The following SCAF4 variants were observed in gnomAD, a reference collection of about 807,000 sequenced individuals.
The protein encoded by SCAF4 is SR-related and CTD-associated factor 4.
SCAF4 carries 25 observed loss-of-function variants against 129.8 expected under a neutral mutation model. The observed-to-expected ratio is 0.19, with a 90% CI of 0.14 to 0.27. SCAF4 has a LOEUF of 0.27. Among genes scored for constraint, SCAF4 ranks in the 10% least tolerant of loss-of-function variants. The pLI, the probability that SCAF4 is intolerant of heterozygous loss-of-function variation, is 1.00. For synonymous variants in SCAF4, 551 were observed against 497.7 expected (o/e 1.11, Z -1.43); for missense variants, 1,246 against 1,457.1 (o/e 0.86, Z 2.36).
intron 1 of SCAF4, among the ~76,000 whole-genome samples, chr21:31,731,259 C>T (rs115435439): frequency 0.011 from 1,701 of 152,330 alleles, 31 homozygotes; most frequent in African/African-American, 0.038. Flanking sequence ...CCCAACCCCA[C>T]ACGCCCGCCC....
Position 31,672,053 on chromosome 21 carries a change from G to GCCTGGC in SCAF4, c.2784_2789dup (p.Pro931_Gly932dup), listed in dbSNP as rs750074679. On this transcript the variant is annotated inframe_insertion, in exon 20 of 20. Coordinates refer to ENST00000286835, the MANE Select transcript of SCAF4 (RefSeq NM_020706.2). The stretch of plus-strand genomic sequence containing the variant: ...CGTCTCTGTCTTCAGGACCCCCTGG[G>GCCTGGC]CCTGGCCCTGGGCCCCCGAGCCCTG... 1 of 1,613,246 alleles carries GCCTGGC rather than the reference G, an allele frequency of 6.2e-7. No homozygotes were observed. Among genetic ancestry groups the GCCTGGC allele is most frequent in the South Asian group, 1.1e-5 (1 of 91,052 alleles).
At chr21:31,690,420 GGT>G (rs2050232421) in intron 15 of SCAF4, among the ~76,000 whole-genome samples, 1 of 152,118 alleles carries the variant, frequency 6.6e-6, no homozygotes, top group Non-Finnish European at 1.5e-5. Flanking sequence ...GGGAGGCAGA[GGT>G]TGCAGTGACC....
intron 7 of SCAF4, among the ~76,000 whole-genome samples, chr21:31,697,096 T>C (rs192987193): frequency 6.6e-6 from 1 of 152,148 alleles, no homozygotes; most frequent in South Asian, 2.1e-4. Flanking sequence ...TTTGTGCACA[T>C]GAAAATGGGT....
intron 16 of SCAF4, among the ~76,000 whole-genome samples, chr21:31,686,913 C>T (rs2050139754): frequency 6.6e-6 from 1 of 152,200 alleles, no homozygotes; most frequent in Non-Finnish European, 1.5e-5. Context: ...AAACTGGTCC[C>T]TGGTGCCGGA....
chr21:31,717,914 C>T (rs34289854), intron 1 of SCAF4, among the ~76,000 whole-genome samples: 2,233 of 102,146 alleles, frequency 0.022, 41 homozygotes, highest in African/African-American at 0.042. Context: ...TACACACACA[C>T]ACACACACAC....
intron 19 of SCAF4, among the ~76,000 whole-genome samples, chr21:31,683,417 G>T (rs1012079292): frequency 3.3e-5 from 5 of 152,202 alleles, no homozygotes; most frequent in African/African-American, 1.2e-4. Context: ...AGAAATAACA[G>T]GCAGGGTCTT....
intron 19 of SCAF4, among the ~76,000 whole-genome samples, chr21:31,682,055 G>C (rs965236199): frequency 3.3e-5 from 5 of 152,048 alleles, no homozygotes; most frequent in African/African-American, 1.2e-4. Context: ...CCAACTGATG[G>C]AACTTTAATA....
chr21:31,712,497 C>T (rs1330757159), intron 1 of SCAF4, among the ~76,000 whole-genome samples: 1 of 149,140 alleles, frequency 6.7e-6, no homozygotes, highest in Non-Finnish European at 1.5e-5. Context: ...GCATTACAGG[C>T]GAGAGCCACC....
chr21:31,706,328 G>A lies in SCAF4; in HGVS notation c.60C>T (p.Pro20=). 1 of 1,610,420 alleles carries A rather than the reference G, an allele frequency of 6.2e-7. No homozygotes were observed. The highest frequency in any genetic ancestry group is 1.3e-5 in the African/African-American group (1 of 74,860). ...TGAGAATCATCTTGGCTCTAGAGAT[G>A]GGAGGTTTCATATCCATAAGCGAAA... ...ELFSLMDMKP[P]ISRAKMILIT... Residue 20 remains proline (P), a synonymous_variant, in exon 2 of 20, where the codon CCC becomes CCT. Transcript: ENST00000286835.
chr21:31,687,231 T>C (rs1007562734), intron 16 of SCAF4, among the ~76,000 whole-genome samples: 1 of 152,208 alleles, frequency 6.6e-6, no homozygotes, highest in Non-Finnish European at 1.5e-5. Flanking sequence ...CATAGAACTA[T>C]GGGTCAAGTT....
chr21:31,716,271 C>T (rs1163730839), intron 1 of SCAF4, among the ~76,000 whole-genome samples: 1 of 151,930 alleles, frequency 6.6e-6, no homozygotes, highest in Non-Finnish European at 1.5e-5. Flanking sequence ...TCCAGTATTC[C>T]TTCCTTTGGT....
At chr21:31,673,513 T>G (rs1242805780) in intron 19 of SCAF4, among the ~76,000 whole-genome samples, 1 of 152,130 alleles carries the variant, frequency 6.6e-6, no homozygotes, top group Non-Finnish European at 1.5e-5. Context: ...CCAGAAATTG[T>G]GAAATGGATG....
chr21:31,676,554 C>T (rs910280267), intron 19 of SCAF4, among the ~76,000 whole-genome samples: 5 of 152,174 alleles, frequency 3.3e-5, no homozygotes, highest in Admixed American at 2.0e-4. Context: ...TCTGTAATTA[C>T]AACCCAAGTG....
intron 5 of SCAF4, 115 bp from the exon 6 acceptor site, chr21:31,702,033 A>G: frequency 7.4e-7 from 1 of 1,343,282 alleles, no homozygotes; most frequent in Non-Finnish European, 1.0e-6. Context: ...TAAAATATAG[A>G]GATTGTGGCA....
intron 1 of SCAF4, among the ~76,000 whole-genome samples, chr21:31,720,187 TCAATA>T (rs2123672948): frequency 6.6e-6 from 1 of 152,268 alleles, no homozygotes; most frequent in Non-Finnish European, 1.5e-5. Context: ...TTCCTAGACA[TCAATA>T]CAAGAAATAA....
chr21:31,714,836 CTAACACA>C lies in SCAF4; in HGVS notation c.31-8486_31-8480del, dbSNP rs539243782. Among the ~76,000 whole-genome samples the C allele has an allele frequency of 1.7e-3, 254 of 152,318 alleles. 2 individuals are homozygous for C. The highest frequency in any genetic ancestry group is 5.8e-3 in the African/African-American group (240 of 41,566). On this transcript the variant is annotated intron_variant, in intron 1 of 19. Coordinates refer to ENST00000286835, the MANE Select transcript of SCAF4 (RefSeq NM_020706.2). ...GTATGTAAATCTCTTAGCCCAGTACCTAACACATAAGTGCTGAGTAAATGGAGCAAAA... is the reference window on the plus strand; with the variant it reads ...GTATGTAAATCTCTTAGCCCAGTACCTAAGTGCTGAGTAAATGGAGCAAAA...
chr21:31,686,932 A>G (rs2050140207), intron 16 of SCAF4, among the ~76,000 whole-genome samples: 1 of 152,206 alleles, frequency 6.6e-6, no homozygotes, highest in African/African-American at 2.4e-5. Context: ...GAAAGGTTGG[A>G]GACCACTATC....
Position 31,694,807 on chromosome 21 carries a change from T to C in SCAF4, c.1236+6A>G. On this transcript the variant is annotated splice_donor_region_variant and intron_variant, in intron 10 of 19. Transcript: ENST00000286835. ...AAGATAAAACTATCTGAGAATAAAG[T>C]TTTACCTGCTGATGCGGCTTCTGTG... 1 of 1,613,698 alleles carries C rather than the reference T, an allele frequency of 6.2e-7. No individual in the cohort carries two copies. Among genetic ancestry groups the C allele is most frequent in the Non-Finnish European group, 8.5e-7 (1 of 1,179,690 alleles).
At chr21:31,687,306 A>G (rs1253263583) in intron 16 of SCAF4, among the ~76,000 whole-genome samples, 1 of 152,206 alleles carries the variant, frequency 6.6e-6, no homozygotes, top group African/African-American at 2.4e-5. Context: ...CATACTGAGT[A>G]CTTAACATAT....
Sources: gnomAD v4.1 joint callset for allele counts (sites outside exome capture counted in the v4.1 genomes callset) on GRCh38, gnomAD v4.1.1 for gene constraint, MANE v1.5 for transcripts, NCBI Gene and HGNC (gene_info 2026-07-23, HGNC 2026-07-21) for gene names.